ATAD1: variants seen among roughly 807,000 people sequenced by gnomAD.
The protein encoded by ATAD1 is ATPase family AAA domain containing 1.
ATAD1 carries 18 observed loss-of-function variants against 42.7 expected under a neutral mutation model. The observed-to-expected ratio is 0.42, with a 90% CI of 0.29 to 0.63. The LOEUF is 0.63. Among genes scored for constraint, ATAD1 ranks in the 20% least tolerant of loss-of-function variants. ATAD1 has a pLI of 0.19. For synonymous variants in ATAD1, 132 were observed against 143.1 expected (o/e 0.92, Z 0.55); for missense variants, 294 against 440.4 (o/e 0.67, Z 2.98).
chr10:87,792,430 G>T (rs536817713), intron 3 of ATAD1, among the ~76,000 whole-genome samples: 2 of 152,106 alleles, frequency 1.3e-5, no homozygotes, highest in East Asian at 3.8e-4. Flanking sequence ...GGAATCTTGC[G>T]CCTGGCTTCC....
intron 4 of ATAD1, among the ~76,000 whole-genome samples, chr10:87,789,028 T>G (rs1307909563): frequency 6.6e-6 from 1 of 152,172 alleles, no homozygotes; most frequent in African/African-American, 2.4e-5. Flanking sequence ...TTAACTGTCA[T>G]CCTCCACTTA....
intron 5 of ATAD1, among the ~76,000 whole-genome samples, chr10:87,781,154 T>A (rs1855540904): frequency 6.6e-6 from 1 of 152,046 alleles, no homozygotes; most frequent in Non-Finnish European, 1.5e-5. Context: ...CATCTAATGT[T>A]ACAAATGACA....
chr10:87,769,084 A>G (rs112346228), intron 7 of ATAD1, among the ~76,000 whole-genome samples: 312 of 152,306 alleles, frequency 2.0e-3, no homozygotes, highest in Middle Eastern at 3.4e-3. Flanking sequence ...AAAAAGAATA[A>G]AATTTAAAAA....
chr10:87,810,642 C>A (rs1857137305), intron 2 of ATAD1, among the ~76,000 whole-genome samples: 1 of 152,104 alleles, frequency 6.6e-6, no homozygotes. Flanking sequence ...TTTTGCCCAG[C>A]CAGTTTTCTT....
At chr10:87,798,262 C>T (rs1041827898) in intron 2 of ATAD1, among the ~76,000 whole-genome samples, 1 of 152,156 alleles carries the variant, frequency 6.6e-6, no homozygotes, top group African/African-American at 2.4e-5. Context: ...TAGGCCACAG[C>T]TCAGTTCCTC....
At chr10:87,773,697 G>C (rs1389279850) in intron 6 of ATAD1, among the ~76,000 whole-genome samples, 2 of 152,162 alleles carry the variant, frequency 1.3e-5, no homozygotes, top group East Asian at 3.8e-4. Flanking sequence ...AAGTTATGCT[G>C]TACCAGAATC....
chr10:87,818,117 G>A, intron 1 of ATAD1, 50 bp downstream of exon 1: 1 of 985,568 alleles, frequency 1.0e-6, no homozygotes, highest in Non-Finnish European at 1.2e-6. Context: ...AAGGACCTCA[G>A]AAGGATACGA....
intron 1 of ATAD1, among the ~76,000 whole-genome samples, chr10:87,816,617 ATC>A (rs10594456): frequency 0.013 from 1,936 of 152,264 alleles, 34 homozygotes; most frequent in Middle Eastern, 0.078. Flanking sequence ...CCTAACTGAA[ATC>A]TCTCTTCATG....
At chr10:87,815,880 T>C (rs1432110142) in intron 1 of ATAD1, among the ~76,000 whole-genome samples, 2 of 152,132 alleles carry the variant, frequency 1.3e-5, no homozygotes, top group Non-Finnish European at 2.9e-5. Flanking sequence ...TCAAAGGGAC[T>C]CTATAAATAG....
rs936696254 is a variant in ATAD1, at chr10:87,770,967, A to T, written c.765T>A (p.Phe255Leu). The change falls in exon 7 of 10, where the codon TTT (phenylalanine) becomes TTA (leucine). Residue 255 changes from phenylalanine to leucine, a missense_variant. Phe to Leu is a conservative substitution (Grantham distance 22). Transcript: ENST00000680024. ...SAIMRRMPTR[F>L]HINQPALKQR... Reference sequence around the variant, plus strand: ...GACCACCTACAGGCTGGTTGATATGAAATCTTGTAGGCATTCTTCTCATTA... The same window carrying T: ...GACCACCTACAGGCTGGTTGATATGTAATCTTGTAGGCATTCTTCTCATTA... The T allele has an allele frequency of 2.5e-6, 4 of 1,613,310 alleles. No homozygotes were observed. The African/African-American group carries it at 5.3e-5, about 22-fold the overall frequency.
intron 8 of ATAD1, among the ~76,000 whole-genome samples, chr10:87,763,730 T>C (rs1361324598): frequency 6.6e-6 from 1 of 151,988 alleles, no homozygotes; most frequent in South Asian, 2.1e-4. Flanking sequence ...TCTTTTTTTT[T>C]TGTAAGTTAC....
At chr10:87,790,969 A>T (rs926980059) in intron 3 of ATAD1, among the ~76,000 whole-genome samples, 3 of 142,444 alleles carry the variant, frequency 2.1e-5, no homozygotes, top group African/African-American at 7.9e-5. Flanking sequence ...GGATCACTTG[A>T]GGTCAGGAGT....
chr10:87,792,997 T>G (rs905261510), intron 2 of ATAD1, among the ~76,000 whole-genome samples: 1 of 152,122 alleles, frequency 6.6e-6, no homozygotes, highest in African/African-American at 2.4e-5. Context: ...AAATAGGGTA[T>G]GTGACTGAAG....
chr10:87,825,772 G>A (rs1857716904), intron 1 of ATAD1, among the ~76,000 whole-genome samples: 1 of 151,098 alleles, frequency 6.6e-6, no homozygotes, highest in South Asian at 2.1e-4. Context: ...CTGGATCATA[G>A]CTCACTGCAG....
chr10:87,799,337 T>C (rs74482972), intron 2 of ATAD1, among the ~76,000 whole-genome samples: 5 of 152,204 alleles, frequency 3.3e-5, no homozygotes, highest in Non-Finnish European at 5.9e-5. Flanking sequence ...GACATTGATA[T>C]TGGTTTAATG....
intron 1 of ATAD1, among the ~76,000 whole-genome samples, chr10:87,825,677 A>G (rs1384710612): frequency 6.6e-6 from 1 of 151,422 alleles, no homozygotes; most frequent in Non-Finnish European, 1.5e-5. Flanking sequence ...TACATATAAA[A>G]TTTAATTCAT....
At chr10:87,792,592 G>T in intron 3 of ATAD1, 65 bp downstream of exon 3, 1 of 1,233,276 alleles carries the variant, frequency 8.1e-7, no homozygotes, top group Non-Finnish European at 1.2e-6. Flanking sequence ...TAAGACCCCT[G>T]ACACAAAATG....
At chr10:87,792,612 A>ACCC in intron 3 of ATAD1, 45 bp downstream of exon 3, 1 of 705,086 alleles carries the variant, frequency 1.4e-6, no homozygotes, top group Non-Finnish European at 2.5e-6. Flanking sequence ...GCTAGAACCC[A>ACCC]CCCCCACCTC....
intron 1 of ATAD1, chr10:87,817,725 C>T: frequency 3.0e-6 from 3 of 985,264 alleles, no homozygotes; most frequent in Non-Finnish European, 3.6e-6. Context: ...TTTGTGAAAG[C>T]GTGCCCGGCC....
Sources: allele counts gnomAD v4.1 joint callset (sites outside exome capture counted in the v4.1 genomes callset), GRCh38; gene constraint gnomAD v4.1.1; transcripts MANE v1.5; gene names NCBI Gene and HGNC (gene_info 2026-07-23, HGNC 2026-07-21).